Variants in SGSM1 observed in about 807,000 individuals in gnomAD.
SGSM1 encodes small G protein signaling modulator 1, also known as RUN and TBC1 domain containing 2.
A neutral mutation model predicts 133.8 loss-of-function variants in SGSM1; 73 were observed. The observed-to-expected ratio is 0.55, with a 90% CI of 0.45 to 0.66. The LOEUF (loss-of-function observed/expected upper bound fraction) is 0.66. SGSM1 is among the 30% of genes least tolerant of loss of function. The pLI, the probability that SGSM1 is intolerant of heterozygous loss-of-function variation, is 0.00. For missense variants in SGSM1, 1,213 were observed against 1,448.1 expected (o/e 0.84, Z 2.64); for synonymous variants, 563 against 573.0 (o/e 0.98, Z 0.25).
intron 2 of SGSM1, among the ~76,000 whole-genome samples, chr22:24,842,860 A>G (rs1302054889): frequency 1.3e-5 from 2 of 152,230 alleles, no homozygotes; most frequent in African/African-American, 2.4e-5. Context: ...TGCTCAGCAC[A>G]TGATGATCAT....
chr22:24,878,044 C>CA lies in SGSM1; in HGVS notation c.1430+1331dup, dbSNP rs1451658487. 3.3e-5 allele frequency among the ~76,000 whole-genome samples: 5 copies of CA among 152,162 alleles called. No individual in the cohort carries two copies. The East Asian group carries it at 9.7e-4, about 29-fold the overall frequency. ...CAGTCTGCTCTCGAACCCCTGACCT[C>CA]AAGTGATCCGCCCACCTTGGCCTCC... is the stretch of plus-strand genomic sequence containing the variant. On this transcript the variant is annotated intron_variant, in intron 13 of 24. Coordinates refer to ENST00000400358, the MANE Select transcript of SGSM1 (RefSeq NM_001098497.3).
At chr22:24,906,278 A>G (rs945541606) in intron 21 of SGSM1, among the ~76,000 whole-genome samples, 10 of 152,244 alleles carry the variant, frequency 6.6e-5, no homozygotes, top group Admixed American at 1.3e-4. Context: ...GAGGGCATTT[A>G]TGGAAACCTC....
At chr22:24,830,359 AGC>A (rs1929044959) in intron 2 of SGSM1, among the ~76,000 whole-genome samples, 1 of 152,210 alleles carries the variant, frequency 6.6e-6, no homozygotes, top group Non-Finnish European at 1.5e-5. Context: ...AGAAGGTTGC[AGC>A]CAGCTTCCTG....
chr22:24,831,004 A>G (rs1205008294), intron 2 of SGSM1, among the ~76,000 whole-genome samples: 1 of 152,106 alleles, frequency 6.6e-6, no homozygotes, highest in African/African-American at 2.4e-5. Flanking sequence ...AGCCCTGATT[A>G]GAGGGGCTAG....
intron 16 of SGSM1, among the ~76,000 whole-genome samples, chr22:24,890,313 A>G (rs1932793497): frequency 6.6e-6 from 1 of 151,854 alleles, no homozygotes; most frequent in Non-Finnish European, 1.5e-5. Context: ...TTGGGACATA[A>G]CTCCATCGTA....
At chr22:24,868,642 TCTCCACTGATACC>T in intron 11 of SGSM1, 68 bp from the exon 12 acceptor site, 1 of 1,609,316 alleles carries the variant, frequency 6.2e-7, no homozygotes, top group Non-Finnish European at 8.5e-7. Context: ...CCTCATGCGC[TCTCCACTGATACC>T]CTCAGACTAA....
In SGSM1 at chr22:24,886,606, G is replaced by A. The variant is rs770385153; in HGVS notation, c.1648G>A (p.Glu550Lys). 28 of 1,552,330 alleles carry A rather than the reference G, an allele frequency of 1.8e-5. No individual in the cohort carries two copies. Among genetic ancestry groups the A allele is most frequent in the East Asian group, 4.9e-5 (2 of 40,936 alleles). ...EQYLHDSTSY[E>K]EQELLRLIYY... is the part of the protein sequence containing the mutation. ...TCCTCTCCACCCACCACAGAGTTAC[G>A]AGGAGCAGGAGCTGCTGCGCCTCAT... is the stretch of plus-strand genomic sequence containing the variant. Residue 550 changes from glutamate (E) to lysine (K), a missense_variant, in exon 16 of 25, where the codon GAG becomes AAG. Coordinates refer to ENST00000400358, the MANE Select transcript of SGSM1 (RefSeq NM_001098497.3).
At chr22:24,868,083 G>T (rs763004948) in intron 10 of SGSM1, among the ~76,000 whole-genome samples, 2 of 152,156 alleles carry the variant, frequency 1.3e-5, no homozygotes, top group African/African-American at 2.4e-5. Context: ...TTCCTGAGGA[G>T]CGTAGGGTTC....
At chr22:24,850,562 A>G (rs539645009) in intron 5 of SGSM1, 130 bp downstream of exon 5, 13 of 1,314,406 alleles carry the variant, frequency 9.9e-6, no homozygotes, top group Non-Finnish European at 1.3e-5. Context: ...AAGTGATTAA[A>G]TGCTTGGAAA....
chr22:24,881,900 C>T (rs1290246063), intron 14 of SGSM1, among the ~76,000 whole-genome samples: 1 of 152,134 alleles, frequency 6.6e-6, no homozygotes, highest in Non-Finnish European at 1.5e-5. Flanking sequence ...CTCCAGGTGC[C>T]AGTGTGGGCC....
At chr22:24,884,305 C>G in intron 15 of SGSM1, 107 bp downstream of exon 15, 1 of 1,412,284 alleles carries the variant, frequency 7.1e-7, no homozygotes, top group Non-Finnish European at 9.5e-7. Flanking sequence ...AGCTGACGTG[C>G]TTGGATTCTG....
At chr22:24,906,519 G>A (rs1484571246) in intron 21 of SGSM1, among the ~76,000 whole-genome samples, 7 of 152,230 alleles carry the variant, frequency 4.6e-5, no homozygotes, top group African/African-American at 1.7e-4. Context: ...ACTGATAAGT[G>A]TATCAAGGTT....
chr22:24,832,350 G>T (rs1929166787), intron 2 of SGSM1, among the ~76,000 whole-genome samples: 1 of 152,218 alleles, frequency 6.6e-6, no homozygotes, highest in Non-Finnish European at 1.5e-5. Flanking sequence ...AGATAAGAGG[G>T]TTAGTGTTAT....
At chr22:24,873,109 C>A (rs893469558) in intron 12 of SGSM1, among the ~76,000 whole-genome samples, 2 of 152,022 alleles carry the variant, frequency 1.3e-5, no homozygotes, top group Non-Finnish European at 2.9e-5. Flanking sequence ...CAGGCACAAG[C>A]CACCATACCT....
intron 12 of SGSM1, among the ~76,000 whole-genome samples, chr22:24,875,920 C>A (rs555991417): frequency 3.9e-5 from 6 of 152,316 alleles, no homozygotes; most frequent in South Asian, 2.1e-4. Context: ...CCTGCTGTAT[C>A]AAAATTGCTT....
chr22:24,828,359 T>C (rs1049893868), intron 2 of SGSM1, among the ~76,000 whole-genome samples: 3 of 152,128 alleles, frequency 2.0e-5, no homozygotes, highest in Non-Finnish European at 4.4e-5. Flanking sequence ...GAGGATTAAA[T>C]AAGTATTCTA....
intron 5 of SGSM1, among the ~76,000 whole-genome samples, chr22:24,851,587 G>C (rs1382290174): frequency 6.6e-6 from 1 of 152,094 alleles, no homozygotes; most frequent in African/African-American, 2.4e-5. Flanking sequence ...CCCTTTGCAA[G>C]GAAAATATGC....
intron 16 of SGSM1, among the ~76,000 whole-genome samples, chr22:24,888,790 AC>A (rs200927271): frequency 0.024 from 3,711 of 152,122 alleles, 78 homozygotes; most frequent in Middle Eastern, 0.041. Flanking sequence ...AAAAAACAAA[AC>A]AACAACAAAA....
chr22:24,898,371 G>C lies in SGSM1; in HGVS notation c.2422G>C (p.Glu808Gln). ...GGGCAGCCTGGACATGGCCCTGCCTGAAAAGGACGATGTTGTGATGGAGGG... is the reference window on the plus strand; with the variant it reads ...GGGCAGCCTGGACATGGCCCTGCCTCAAAAGGACGATGTTGTGATGGAGGG... ...ITGSLDMALP[E>Q]KDDVVMEGWR... is the part of the protein sequence containing the mutation. The change falls in exon 19 of 25, where the codon GAA (glutamate) becomes CAA (glutamine). Residue 808 changes from glutamate to glutamine, a missense_variant. Coordinates refer to ENST00000400358, the MANE Select transcript of SGSM1 (RefSeq NM_001098497.3). 1.2e-6 allele frequency: 2 copies of C among 1,613,920 alleles called. No individual in the cohort carries two copies. Among genetic ancestry groups the C allele is most frequent in the Non-Finnish European group, 1.7e-6 (2 of 1,179,876 alleles).
Sources: allele counts gnomAD v4.1 joint callset (sites outside exome capture counted in the v4.1 genomes callset), GRCh38; gene constraint gnomAD v4.1.1; transcripts MANE v1.5; gene names NCBI Gene and HGNC (gene_info 2026-07-23, HGNC 2026-07-21).